Variants in FUNDC1 observed in about 807,000 individuals in gnomAD.
FUNDC1 encodes FUN14 domain containing 1.
FUNDC1 carries 10 observed loss-of-function variants against 14.5 expected under a neutral mutation model. The observed-to-expected ratio is 0.69, with a 90% CI of 0.43 to 1.17. The LOEUF (loss-of-function observed/expected upper bound fraction) is 1.17. Ranked by LOEUF, FUNDC1 falls within the 50% of genes most tolerant of loss-of-function variation. FUNDC1 has a pLI of 0.00. For missense variants in FUNDC1, 115 were observed against 113.8 expected (o/e 1.01, Z -0.05); for synonymous variants, 33 against 39.7 (o/e 0.83, Z 0.64).
chrX:44,537,650 C>T (rs1257993667), intron 3 of FUNDC1, among the ~76,000 whole-genome samples: 4 of 112,217 alleles, frequency 3.6e-5, no homozygotes, highest in African/African-American at 1.3e-4. Context: ...CTAGTTATTA[C>T]ATGATCGATG....
chrX:44,541,874 T>C (rs1260575304), intron 2 of FUNDC1, 71 bp downstream of exon 2: 89 of 983,402 alleles, frequency 9.1e-5, no homozygotes, highest in Non-Finnish European at 1.2e-4. Context: ...ACGGTGATTC[T>C]TGCCCATGTA....
Position 44,524,091 on chromosome X carries a change from T to C in FUNDC1, c.*107A>G. ...GAATTGAGTATTGTCCAGCTAGTTG[T>C]TTCTCCTTGCCCTAGAGACTCTGGC... On this transcript the variant is annotated 3_prime_UTR_variant, in exon 5 of 5. Coordinates refer to ENST00000378045, the MANE Select transcript of FUNDC1 (RefSeq NM_173794.4). 1 of 544,655 alleles carries C rather than the reference T, an allele frequency of 1.8e-6. No individual in the cohort carries two copies. The highest frequency in any genetic ancestry group is 2.8e-5 in the South Asian group (1 of 35,712). 44.9% of individuals were successfully genotyped at this position (544,655 alleles called of 1,213,427 possible). A position where few individuals can be genotyped will look rare whatever the true frequency, so the allele number is the denominator to read the frequency against.
intron 4 of FUNDC1, 23 bp downstream of exon 4, chrX:44,527,213 AG>A: frequency 2.7e-6 from 3 of 1,116,263 alleles, no homozygotes; most frequent in East Asian, 3.1e-5. Context: ...AAAAAAAAAA[AG>A]TCAAAATTAT....
Position 44,524,364 on chromosome X carries a change from CA to C in FUNDC1, c.391-90del, listed in dbSNP as rs950635058. 11 of 574,405 alleles carry C rather than the reference CA, an allele frequency of 1.9e-5. No individual in the cohort carries two copies. In the African/African-American group the frequency reaches 2.1e-4, roughly 11 times the overall value. The allele number at this position is 574,405 out of a possible 1,213,427, so 47.3% of individuals were successfully genotyped here. The stretch of plus-strand genomic sequence containing the variant: ...ATTATGCAAAGTGAAATAAGGTAGA[CA>C]AAAAAGAACAGATATTACATGATTC... On this transcript the variant is annotated intron_variant, in intron 4 of 4. Transcript: ENST00000378045.
At chrX:44,533,647 A>C (rs1401708278) in intron 3 of FUNDC1, among the ~76,000 whole-genome samples, 5 of 99,426 alleles carry the variant, frequency 5.0e-5, no homozygotes, top group East Asian at 6.1e-4. Flanking sequence ...AAAAAAAAAA[A>C]AACAACAAAA....
chrX:44,539,601 T>C (rs747301840), intron 2 of FUNDC1, among the ~76,000 whole-genome samples: 7 of 111,834 alleles, frequency 6.3e-5, no homozygotes, highest in Non-Finnish European at 1.3e-4. Context: ...CAAACCCTGT[T>C]GACATCCTGA....
intron 3 of FUNDC1, among the ~76,000 whole-genome samples, chrX:44,529,434 C>T (rs2038914283): frequency 9.1e-6 from 1 of 110,496 alleles, no homozygotes; most frequent in African/African-American, 3.3e-5. Context: ...ACTAACGCCT[C>T]TTTGGAAGAA....
intron 3 of FUNDC1, among the ~76,000 whole-genome samples, chrX:44,535,482 AG>A (rs199707927): frequency 0.013 from 1,383 of 106,917 alleles, 28 homozygotes; most frequent in African/African-American, 0.045. Context: ...CCTGGCTAAC[AG>A]AGCAAAACCC....
intron 3 of FUNDC1, among the ~76,000 whole-genome samples, chrX:44,531,765 A>AACACACACAC (rs143142516): frequency 0.013 from 1,112 of 87,370 alleles, 16 homozygotes; most frequent in African/African-American, 0.04. Flanking sequence ...AGAAGCTTAA[A>AACACACACAC]ACACACACAC....
chrX:44,533,536 G>C (rs2038934608), intron 3 of FUNDC1, among the ~76,000 whole-genome samples: 1 of 101,738 alleles, frequency 9.8e-6, no homozygotes, highest in East Asian at 3.4e-4. Context: ...GCTGAGGCAG[G>C]AGAATGGTGC....
intron 4 of FUNDC1, among the ~76,000 whole-genome samples, chrX:44,525,843 T>C (rs1270947079): frequency 9.1e-6 from 1 of 109,832 alleles, no homozygotes; most frequent in Non-Finnish European, 1.9e-5. Context: ...AGACCCTGTC[T>C]AAAAAAAATT....
chrX:44,535,003 C>T (rs945317068), intron 3 of FUNDC1, among the ~76,000 whole-genome samples: 18 of 110,580 alleles, frequency 1.6e-4, no homozygotes, highest in Non-Finnish European at 2.6e-4. Flanking sequence ...CAAAAATTAG[C>T]GGGCATGTGG....
At chrX:44,531,315 GACACACACACACACACACAC>G (rs766982993) in intron 3 of FUNDC1, among the ~76,000 whole-genome samples, 17 of 18,852 alleles carry the variant, frequency 9.0e-4, no homozygotes, top group Admixed American at 3.2e-3. Flanking sequence ...ATGTTGGCCA[GACACACACACACACACACAC>G]ACACACACAC....
intron 3 of FUNDC1, among the ~76,000 whole-genome samples, chrX:44,536,848 G>A (rs1315904923): frequency 1.8e-5 from 2 of 111,675 alleles, no homozygotes; most frequent in Non-Finnish European, 1.9e-5. Flanking sequence ...AAATTAAAAC[G>A]AAGAGACTGT....
chrX:44,525,923 A>G (rs1013415795), intron 4 of FUNDC1, among the ~76,000 whole-genome samples: 6 of 108,167 alleles, frequency 5.5e-5, no homozygotes, highest in Non-Finnish European at 9.6e-5. Flanking sequence ...TTGGCCAGGC[A>G]TGGGGGCTCA....
At chrX:44,529,295 T>A (rs2038913788) in intron 3 of FUNDC1, among the ~76,000 whole-genome samples, 1 of 112,067 alleles carries the variant, frequency 8.9e-6, no homozygotes, top group Admixed American at 9.6e-5. Flanking sequence ...TAGCCATTTG[T>A]CACTGATAAT....
Position 44,542,591 on chromosome X carries a change from T to G in FUNDC1, c.28+214A>C, listed in dbSNP as rs758250942. On this transcript the variant is annotated intron_variant, in intron 1 of 4. Transcript: ENST00000378045. ...AGGTGAAGGTAAGGCAGGAGGCAGG[T>G]AGGGCTGTGCTGGGGGTGGGGGTGG... Among the ~76,000 whole-genome samples the G allele has an allele frequency of 3.7e-5, 4 of 107,386 alleles. No homozygotes were observed. In the South Asian group the frequency reaches 1.7e-3, roughly 45 times the overall value. The allele number at this position is 107,386 out of a possible 115,157, so 93.3% of individuals were successfully genotyped here. A position where few individuals can be genotyped will look rare whatever the true frequency, so the allele number is the denominator to read the frequency against.
chrX:44,529,531 T>C (rs2038914776), intron 3 of FUNDC1, among the ~76,000 whole-genome samples: 1 of 111,376 alleles, frequency 9.0e-6, no homozygotes, highest in Non-Finnish European at 1.9e-5. Context: ...GCACTGACCA[T>C]ATGGGCTGTG....
intron 3 of FUNDC1, among the ~76,000 whole-genome samples, 185 bp from the exon 4 acceptor site, chrX:44,527,550 T>C (rs2038907345): frequency 9.0e-6 from 1 of 111,721 alleles, no homozygotes; most frequent in African/African-American, 3.2e-5. Context: ...AAGTACTGAA[T>C]AAGGGAGACA....
Sources: allele counts gnomAD v4.1 joint callset (sites outside exome capture counted in the v4.1 genomes callset), GRCh38; gene constraint gnomAD v4.1.1; transcripts MANE v1.5; gene names NCBI Gene and HGNC (gene_info 2026-07-23, HGNC 2026-07-21).